EEFSEC: variants seen among roughly 807,000 people sequenced by gnomAD.
EEFSEC encodes eukaryotic elongation factor, selenocysteine-tRNA specific.
Under a neutral mutation model 42.1 loss-of-function variants are expected in EEFSEC, and 43 were observed. That is an observed-to-expected ratio of 1.02 (90% CI 0.80 to 1.32). The LOEUF (loss-of-function observed/expected upper bound fraction) is 1.32, where lower values mean the gene tolerates loss of function less well. Ranked by LOEUF, EEFSEC falls within the 40% of genes most tolerant of loss-of-function variation. The pLI is 0.00. For missense variants in EEFSEC, 745 were observed against 803.6 expected (o/e 0.93, Z 0.88); for synonymous variants, 354 against 339.1 (o/e 1.04, Z -0.48).
chr3:128,169,675 G>T (rs1024626537), intron 1 of EEFSEC, among the ~76,000 whole-genome samples: 6 of 152,216 alleles, frequency 3.9e-5, no homozygotes, highest in African/African-American at 1.4e-4. Flanking sequence ...CTGTGATTGT[G>T]TTTGGTCATT....
At chr3:128,275,815 C>T (rs1186231983) in intron 4 of EEFSEC, among the ~76,000 whole-genome samples, 1 of 152,144 alleles carries the variant, frequency 6.6e-6, no homozygotes, top group Non-Finnish European at 1.5e-5. Context: ...TGGGGTGGTT[C>T]GTAGGTGGTT....
intron 4 of EEFSEC, among the ~76,000 whole-genome samples, chr3:128,313,597 C>G (rs992523848): frequency 6.6e-6 from 1 of 152,190 alleles, no homozygotes; most frequent in Admixed American, 6.5e-5. Flanking sequence ...AACCTGACTT[C>G]ACCGCTGCCT....
At chr3:128,172,480 G>A (rs1487082567) in intron 1 of EEFSEC, among the ~76,000 whole-genome samples, 2 of 152,140 alleles carry the variant, frequency 1.3e-5, no homozygotes, top group Non-Finnish European at 1.5e-5. Flanking sequence ...TTTATTTTTT[G>A]TAGAGCCAAG....
chr3:128,373,301 A>AC (rs1440308822), intron 6 of EEFSEC, among the ~76,000 whole-genome samples: 1 of 152,186 alleles, frequency 6.6e-6, no homozygotes, highest in Non-Finnish European at 1.5e-5. Context: ...AGAACCTGGC[A>AC]CCCATTGTGT....
At chr3:128,409,313 CAG>C (rs571390027), downstream of EEFSEC, among the ~76,000 whole-genome samples, 137 of 152,290 alleles carry the variant, frequency 9.0e-4, no homozygotes, top group Non-Finnish European at 1.5e-3. Flanking sequence ...AAAATATTAA[CAG>C]GGGCAGGTTT....
chr3:128,417,062 C>T, the EEFSEC span, among the ~76,000 whole-genome samples: 1 of 152,088 alleles, frequency 6.6e-6, no homozygotes, highest in African/African-American at 2.4e-5. This position sits in a 1 kb window ranked among gnomAD's most constrained non-coding sequence, Gnocchi z 4.3. Flanking sequence ...AAGCCTGTCC[C>T]GAATCAGTCA....
chr3:128,376,180 A>G (rs2067707699), intron 6 of EEFSEC, among the ~76,000 whole-genome samples: 1 of 152,180 alleles, frequency 6.6e-6, no homozygotes. Flanking sequence ...TGGGGCATGC[A>G]CAGTTCTCTG....
intron 1 of EEFSEC, among the ~76,000 whole-genome samples, chr3:128,207,484 G>T (rs1483731155): frequency 6.6e-6 from 1 of 151,450 alleles, no homozygotes; most frequent in African/African-American, 2.4e-5. Flanking sequence ...CTAAGGTGAG[G>T]ATCCAATTTT....
intron 1 of EEFSEC, among the ~76,000 whole-genome samples, chr3:128,179,778 G>A (rs2107788516): frequency 6.6e-6 from 1 of 152,276 alleles, no homozygotes; most frequent in East Asian, 1.9e-4. Flanking sequence ...CTGGATTATT[G>A]AATTTGGCCC....
chr3:128,249,725 T>C (rs1402280700), intron 2 of EEFSEC, among the ~76,000 whole-genome samples: 1 of 152,250 alleles, frequency 6.6e-6, no homozygotes, highest in Non-Finnish European at 1.5e-5. Context: ...CTTAGCATAA[T>C]GTTTTTAAGG....
intron 1 of EEFSEC, among the ~76,000 whole-genome samples, chr3:128,232,566 TG>T (rs1172729559): frequency 6.6e-6 from 1 of 152,082 alleles, no homozygotes; most frequent in Non-Finnish European, 1.5e-5. Flanking sequence ...ATGGTTAAAA[TG>T]GGGGGAAGGG....
At chr3:128,165,119 C>T (rs758189500) in intron 1 of EEFSEC, among the ~76,000 whole-genome samples, 13 of 152,196 alleles carry the variant, frequency 8.5e-5, no homozygotes, top group Non-Finnish European at 1.8e-4. Flanking sequence ...CTGTTCTAGA[C>T]CCGTGGCTCT....
chr3:128,332,641 G>C (rs1390616507), intron 4 of EEFSEC, among the ~76,000 whole-genome samples: 1 of 152,174 alleles, frequency 6.6e-6, no homozygotes, highest in Non-Finnish European at 1.5e-5. Flanking sequence ...TGTAGAGTTG[G>C]GGTTTCACCA....
At chr3:128,268,142 C>T (rs2066374588) in intron 4 of EEFSEC, among the ~76,000 whole-genome samples, 1 of 152,194 alleles carries the variant, frequency 6.6e-6, no homozygotes, top group Non-Finnish European at 1.5e-5. Context: ...TGGAATTTGC[C>T]CTGCTGTGTT....
intron 4 of EEFSEC, among the ~76,000 whole-genome samples, chr3:128,339,734 G>T (rs997843037): frequency 6.6e-6 from 1 of 152,168 alleles, no homozygotes; most frequent in African/African-American, 2.4e-5. Context: ...TTTTCACGCT[G>T]CTGATAAAGA....
intron 1 of EEFSEC, among the ~76,000 whole-genome samples, chr3:128,175,315 C>T (rs1243127020): frequency 6.6e-6 from 1 of 152,184 alleles, no homozygotes; most frequent in Non-Finnish European, 1.5e-5. Flanking sequence ...TTTCCTGTTG[C>T]TTTCTAAGGG....
At chr3:128,416,168 G>A in the EEFSEC span, among the ~76,000 whole-genome samples, 1 of 152,266 alleles carries the variant, frequency 6.6e-6, no homozygotes, top group East Asian at 1.9e-4. Context: ...TGGCCGGAAG[G>A]TGGGGGAGGG....
intron 4 of EEFSEC, among the ~76,000 whole-genome samples, chr3:128,327,466 G>T (rs1287690569): frequency 1.3e-5 from 2 of 152,170 alleles, no homozygotes. Context: ...TGTCTCCCCA[G>T]TGAGTCTGGA....
chr3:128,272,311 G>A (rs1042132447), intron 4 of EEFSEC, among the ~76,000 whole-genome samples: 3 of 152,244 alleles, frequency 2.0e-5, no homozygotes, highest in African/African-American at 7.2e-5. Context: ...CCTGACTCTG[G>A]CCAATGATAT....
Sources: gnomAD v4.1 joint callset for allele counts (sites outside exome capture counted in the v4.1 genomes callset) on GRCh38, gnomAD v4.1.1 for gene constraint, Gnocchi (gnomAD v3.1) non-coding constraint, MANE v1.5 for transcripts, NCBI Gene and HGNC (gene_info 2026-07-23, HGNC 2026-07-21) for gene names.